Variants in SCAPER observed in about 807,000 individuals in gnomAD.
SCAPER encodes S-phase cyclin A associated protein in the ER.
Under a neutral mutation model 182.2 loss-of-function variants are expected in SCAPER, and 98 were observed. The observed-to-expected ratio is 0.54, with a 90% CI of 0.46 to 0.64. The LOEUF is 0.64. Among genes scored for constraint, SCAPER ranks in the 30% least tolerant of loss-of-function variants. The probability of loss-of-function intolerance (pLI) is 0.00; values close to 1 mark genes in which losing one functional copy is unlikely to be tolerated. For missense variants in SCAPER, 1,432 were observed against 1,690.0 expected (o/e 0.85, Z 2.68); for synonymous variants, 605 against 564.6 (o/e 1.07, Z -1.01).
intron 24 of SCAPER, among the ~76,000 whole-genome samples, chr15:76,492,065 C>G (rs1296772554): frequency 6.6e-6 from 1 of 152,158 alleles, no homozygotes; most frequent in African/African-American, 2.4e-5. Context: ...GGTGAAGTGT[C>G]TATTCAAATC....
In SCAPER at chr15:76,633,476, G is replaced by T. The variant is rs565075948; in HGVS notation, c.2646-11647C>A. ...CAGAGCAGGTGTGCTACATTAGGGG[G>T]AATCCCCCTCATCCGGGCTGCCCTG... On this transcript the variant is annotated intron_variant, in intron 21 of 31. Transcript: ENST00000563290. Among the ~76,000 whole-genome samples the T allele has an allele frequency of 3.9e-5, 6 of 152,328 alleles. 1 individual carries two copies. The highest frequency in any genetic ancestry group is 1.4e-4 in the African/African-American group (6 of 41,584).
At chr15:76,603,894 A>ATTTG (rs2050122619) in intron 22 of SCAPER, among the ~76,000 whole-genome samples, 4 of 117,512 alleles carry the variant, frequency 3.4e-5, no homozygotes, top group Non-Finnish European at 6.3e-5. Flanking sequence ...TTTCTTGTAA[A>ATTTG]TTTGAGTTCA....
In SCAPER at chr15:76,801,500, T is replaced by C. The variant is rs956341274; in HGVS notation, c.495-1136A>G. ...ATCTCCAGGCTAGCCAAAATAAATTTTGATGCATGATTTGAAGAATGCAAG... is the reference window on the plus strand; with the variant it reads ...ATCTCCAGGCTAGCCAAAATAAATTCTGATGCATGATTTGAAGAATGCAAG... On this transcript the variant is annotated intron_variant, in intron 6 of 31. Transcript: ENST00000563290. Among the ~76,000 whole-genome samples the C allele has an allele frequency of 1.1e-4, 17 of 152,318 alleles. 2 individuals are homozygous for C. The highest frequency in any genetic ancestry group is 9.1e-4 in the Admixed American group (14 of 15,304).
Position 76,372,349 on chromosome 15 carries a change from T to C in SCAPER, c.3855+3813A>G, listed in dbSNP as rs569791484. Among the ~76,000 whole-genome samples the C allele has an allele frequency of 2.6e-5, 4 of 152,270 alleles. No individual in the cohort carries two copies. In the South Asian group the frequency reaches 6.2e-4, roughly 24 times the overall value. ...TGCTCTCTCCACCCATTTCATCTGC[T>C]TTTTTTCCCCATCCCAGCATTCCCA... is the stretch of plus-strand genomic sequence containing the variant. On this transcript the variant is annotated intron_variant, in intron 29 of 31. Coordinates refer to ENST00000563290, the MANE Select transcript of SCAPER (RefSeq NM_020843.4).
At chr15:76,824,111 A>G (rs1454937887) in intron 5 of SCAPER, among the ~76,000 whole-genome samples, 2 of 152,184 alleles carry the variant, frequency 1.3e-5, no homozygotes, top group Non-Finnish European at 2.9e-5. Context: ...TACAAACAAG[A>G]CAAGCAGCTG....
chr15:76,810,659 A>T (rs561254602), intron 5 of SCAPER, among the ~76,000 whole-genome samples: 1 of 152,066 alleles, frequency 6.6e-6, no homozygotes, highest in South Asian at 2.1e-4. Flanking sequence ...GTAGTAATAA[A>T]TCCTTATCAA....
At chr15:76,532,568 C>G (rs2043771718) in intron 23 of SCAPER, among the ~76,000 whole-genome samples, 1 of 152,156 alleles carries the variant, frequency 6.6e-6, no homozygotes, top group Non-Finnish European at 1.5e-5. Flanking sequence ...ACTTTTCACT[C>G]ATCAATTTTT....
rs145986838 is a variant in SCAPER, at chr15:76,371,476, C to T, written c.3855+4686G>A. On this transcript the variant is annotated intron_variant, in intron 29 of 31. Transcript: ENST00000563290. Reference sequence around the variant, plus strand: ...CTGGGATTATAGGCGTGTGCCACCACGCTCGGCTAATTTTTGTGTTTGTAG... The same window carrying T: ...CTGGGATTATAGGCGTGTGCCACCATGCTCGGCTAATTTTTGTGTTTGTAG... Among the ~76,000 whole-genome samples, 609 of 151,838 alleles carry T rather than the reference C, an allele frequency of 4.0e-3. 4 individuals carry two copies. The highest frequency in any genetic ancestry group is 0.013 in the African/African-American group (551 of 41,492).
intron 17 of SCAPER, among the ~76,000 whole-genome samples, chr15:76,711,123 T>C (rs576293414): frequency 3.9e-5 from 6 of 152,200 alleles, no homozygotes; most frequent in Non-Finnish European, 8.8e-5. Flanking sequence ...AGAAACTTTT[T>C]GTGGTTTCTT....
chr15:76,871,041 C>T lies in SCAPER; in HGVS notation c.7-8508G>A, dbSNP rs1213334384. ...GACATTCTATAAGAAATAATAAATG[C>T]AAGTCAAGAAAATACCTTCAAAGTG... is the stretch of plus-strand genomic sequence containing the variant. On this transcript the variant is annotated intron_variant, in intron 2 of 31. Transcript: ENST00000563290. Among the ~76,000 whole-genome samples, 3 of 152,010 alleles carry T rather than the reference C, an allele frequency of 2.0e-5. No individual in the cohort carries two copies. The South Asian group carries it at 6.2e-4, about 32-fold the overall frequency.
At chr15:76,726,137 A>ATG (rs2060577225) in intron 17 of SCAPER, among the ~76,000 whole-genome samples, 1 of 122,828 alleles carries the variant, frequency 8.1e-6, no homozygotes, top group Non-Finnish European at 1.7e-5. Context: ...ATATATATAT[A>ATG]TATATATATA....
chr15:76,873,897 T>TC (rs1423124522), intron 2 of SCAPER, among the ~76,000 whole-genome samples: 4 of 151,886 alleles, frequency 2.6e-5, no homozygotes, highest in African/African-American at 9.7e-5. Flanking sequence ...CTTTTCTTCT[T>TC]CTTTTTTTTT....
At chr15:76,886,680 T>C (rs1200259711) in intron 1 of SCAPER, among the ~76,000 whole-genome samples, 39 of 152,192 alleles carry the variant, frequency 2.6e-4, no homozygotes, top group Non-Finnish European at 4.4e-5. Context: ...TAAATCATTC[T>C]ATTATAAAGA....
At chr15:76,436,352 G>A (rs1032095892) in intron 25 of SCAPER, among the ~76,000 whole-genome samples, 5 of 152,220 alleles carry the variant, frequency 3.3e-5, no homozygotes, top group Admixed American at 2.6e-4. Context: ...GCAGGTGTGA[G>A]CCACTGCAGC....
At chr15:76,793,468 A>G in intron 8 of SCAPER, 1 of 523,782 alleles carries the variant, frequency 1.9e-6, no homozygotes, top group Non-Finnish European at 3.4e-6. Flanking sequence ...GGAGAAAGGA[A>G]AGGAGCTGAA....
At chr15:76,500,259 C>T (rs558241727) in intron 24 of SCAPER, among the ~76,000 whole-genome samples, 15 of 152,276 alleles carry the variant, frequency 9.9e-5, no homozygotes, top group African/African-American at 2.9e-4. Context: ...TCCACAGGGA[C>T]GATGAAGAGA....
At chr15:76,649,536 A>AT (rs1220044927) in intron 21 of SCAPER, among the ~76,000 whole-genome samples, 11 of 151,156 alleles carry the variant, frequency 7.3e-5, no homozygotes, top group Admixed American at 2.0e-4. Flanking sequence ...TATGGAAAAA[A>AT]ATATATATAT....
intron 22 of SCAPER, among the ~76,000 whole-genome samples, chr15:76,582,114 T>G (rs969737717): frequency 6.6e-6 from 1 of 151,978 alleles, no homozygotes; most frequent in Non-Finnish European, 1.5e-5. Context: ...CTAGACCAAT[T>G]GGACAAGAGA....
chr15:76,650,769 G>A (rs765843944), intron 21 of SCAPER, among the ~76,000 whole-genome samples: 3 of 152,040 alleles, frequency 2.0e-5, no homozygotes, highest in Non-Finnish European at 1.5e-5. Flanking sequence ...ACCAGTTGCT[G>A]AGAAATACAA....
Sources: allele counts gnomAD v4.1 joint callset (sites outside exome capture counted in the v4.1 genomes callset), GRCh38; gene constraint gnomAD v4.1.1; transcripts MANE v1.5; gene names NCBI Gene and HGNC (gene_info 2026-07-23, HGNC 2026-07-21).